The following MAP2K5 variants were observed in gnomAD, a reference collection of about 807,000 sequenced individuals.
The protein encoded by MAP2K5 is mitogen-activated protein kinase kinase 5, also known as dual specificity mitogen-activated protein kinase kinase 5.
In MAP2K5, 49 loss-of-function variants were observed where a neutral mutation model predicts 83.1. That is an observed-to-expected ratio of 0.59 (90% CI 0.47 to 0.75). The LOEUF (loss-of-function observed/expected upper bound fraction) is 0.75. MAP2K5 is among the 30% of genes least tolerant of loss of function. The pLI is 0.00. For missense variants in MAP2K5, 457 were observed against 557.5 expected (o/e 0.82, Z 1.82); for synonymous variants, 202 against 191.8 (o/e 1.05, Z -0.44).
In MAP2K5 at chr15:67,760,682, A is replaced by G. The variant is rs1596926611; in HGVS notation, c.1135-8920A>G. On this transcript the variant is annotated intron_variant, in intron 19 of 21. Transcript: ENST00000178640. The surrounding 1 kb of genome is among the most constrained non-coding windows in gnomAD (Gnocchi z 4.1). ...TTGAATTGTCCATGAAGCCTGATGT[A>G]TTATTAATGAATTAATTTCTTGGTG... Among the ~76,000 whole-genome samples, 2 of 152,322 alleles carry G rather than the reference A, an allele frequency of 1.3e-5. No individual in the cohort carries two copies. The highest frequency in any genetic ancestry group is 3.4e-3 in the Middle Eastern group (1 of 294).
rs2090304068 is a variant in MAP2K5, at chr15:67,780,074, C to G, written c.1242+7322C>G. On this transcript the variant is annotated intron_variant, in intron 21 of 21. Coordinates refer to ENST00000178640, the MANE Select transcript of MAP2K5 (RefSeq NM_145160.3). This position sits in a 1 kb window ranked among gnomAD's most constrained non-coding sequence, Gnocchi z 5.0. Reference sequence around the variant, plus strand: ...CAGTTGCTTGCTTCCTTCTCTGAAGCCCTTCAGCATGTATTGTGTCTAGGT... The same window carrying G: ...CAGTTGCTTGCTTCCTTCTCTGAAGGCCTTCAGCATGTATTGTGTCTAGGT... Among the ~76,000 whole-genome samples, 1 of 152,202 alleles carries G rather than the reference C, an allele frequency of 6.6e-6. No homozygotes were observed. The highest frequency in any genetic ancestry group is 1.5e-5 in the Non-Finnish European group (1 of 68,034).
chr15:67,589,539 G>T (rs1167374867), intron 6 of MAP2K5, among the ~76,000 whole-genome samples: 2 of 152,188 alleles, frequency 1.3e-5, no homozygotes, highest in African/African-American at 4.8e-5. Flanking sequence ...GCTGGTGTTA[G>T]AAAGATTGAT....
intron 8 of MAP2K5, among the ~76,000 whole-genome samples, chr15:67,630,445 AT>A (rs942281226): frequency 1.3e-5 from 2 of 152,260 alleles, no homozygotes; most frequent in Admixed American, 6.5e-5. Flanking sequence ...AATTAAAAAA[AT>A]AAGCAAAAAA....
intron 19 of MAP2K5, among the ~76,000 whole-genome samples, chr15:67,752,031 G>A (rs1025932563): frequency 2.6e-5 from 4 of 151,984 alleles, no homozygotes; most frequent in African/African-American, 4.8e-5. Flanking sequence ...CAACCTGACC[G>A]TCTGTCTTCG....
chr15:67,557,688 T>C (rs1047786514), intron 2 of MAP2K5, among the ~76,000 whole-genome samples: 16 of 152,180 alleles, frequency 1.1e-4, no homozygotes, highest in South Asian at 2.1e-4. Context: ...TCTCAGAGTA[T>C]AGGAAACAAC....
intron 4 of MAP2K5, among the ~76,000 whole-genome samples, chr15:67,583,957 C>T (rs1414223257): frequency 6.8e-6 from 1 of 147,422 alleles, no homozygotes; most frequent in African/African-American, 2.6e-5. Flanking sequence ...CAGTGTTGCC[C>T]AGGCTGGTGT....
At chr15:67,706,467 A>C (rs1294111657) in intron 16 of MAP2K5, among the ~76,000 whole-genome samples, 2 of 152,144 alleles carry the variant, frequency 1.3e-5, no homozygotes, top group African/African-American at 4.8e-5. Context: ...AGAGCAGATA[A>C]CCAGATGGTC....
At chr15:67,635,965 C>CT (rs922322192) in intron 9 of MAP2K5, among the ~76,000 whole-genome samples, 34 of 151,278 alleles carry the variant, frequency 2.2e-4, no homozygotes, top group East Asian at 5.8e-4. Context: ...CCTCTGCTTT[C>CT]TTTTTTTTTG....
chr15:67,604,424 A>G (rs2081175186), intron 8 of MAP2K5, among the ~76,000 whole-genome samples: 1 of 152,252 alleles, frequency 6.6e-6, no homozygotes, highest in African/African-American at 2.4e-5. Context: ...TTTCCCTCTG[A>G]GAGATTCATA....
intron 3 of MAP2K5, among the ~76,000 whole-genome samples, chr15:67,575,762 G>A (rs1336831273): frequency 1.3e-5 from 2 of 151,988 alleles, no homozygotes; most frequent in East Asian, 3.8e-4. Context: ...GAATAGGATA[G>A]GATTGTAAAA....
At chr15:67,645,213 C>T (rs899588349) in intron 9 of MAP2K5, among the ~76,000 whole-genome samples, 4 of 150,858 alleles carry the variant, frequency 2.7e-5, no homozygotes, top group African/African-American at 9.8e-5. Flanking sequence ...TGTGATGGCT[C>T]ATGCCTGTAA....
intron 21 of MAP2K5, among the ~76,000 whole-genome samples, chr15:67,798,211 T>C (rs1401242936): frequency 1.3e-5 from 2 of 152,162 alleles, no homozygotes; most frequent in East Asian, 3.8e-4. Context: ...CAGATGTCCA[T>C]TCTCCTCTGG....
chr15:67,688,453 G>A (rs749523812), intron 13 of MAP2K5, among the ~76,000 whole-genome samples: 6 of 152,176 alleles, frequency 3.9e-5, no homozygotes, highest in Non-Finnish European at 8.8e-5. Context: ...ATATAGTCTG[G>A]CAAAAATGTT....
At chr15:67,611,094 G>A (rs1241740380) in intron 8 of MAP2K5, among the ~76,000 whole-genome samples, 2 of 152,096 alleles carry the variant, frequency 1.3e-5, no homozygotes, top group African/African-American at 4.8e-5. Context: ...ATTCTATTAC[G>A]ACGGTTAACT....
In MAP2K5 at chr15:67,573,161, C is replaced by T. The variant is rs920359884; in HGVS notation, c.253-7593C>T. Among the ~76,000 whole-genome samples the T allele has an allele frequency of 1.8e-4, 28 of 152,110 alleles. No individual in the cohort carries two copies. The highest frequency in any genetic ancestry group is 2.9e-4 in the Non-Finnish European group (20 of 67,984). On this transcript the variant is annotated intron_variant, in intron 3 of 21. Coordinates refer to ENST00000178640, the MANE Select transcript of MAP2K5 (RefSeq NM_145160.3). The surrounding 1 kb of genome is among the most constrained non-coding windows in gnomAD (Gnocchi z 4.2). Reference sequence around the variant, plus strand: ...TACCTAACTTCCTGGGAATGTAGCCCGGGAAGTCCCAGCCTCATTTTTCCT... The same window carrying T: ...TACCTAACTTCCTGGGAATGTAGCCTGGGAAGTCCCAGCCTCATTTTTCCT...
chr15:67,543,316 G>A lies in MAP2K5; in HGVS notation c.-20G>A. The A allele has an allele frequency of 6.2e-7, 1 of 1,614,104 alleles. No homozygotes were observed. The highest frequency in any genetic ancestry group is 1.1e-5 in the South Asian group (1 of 91,080). On this transcript the variant is annotated 5_prime_UTR_variant, in exon 1 of 22. In the 5' UTR this introduces an upstream ATG that the reference lacks. Coordinates refer to ENST00000178640, the MANE Select transcript of MAP2K5 (RefSeq NM_145160.3). The surrounding 1 kb of genome is among the most constrained non-coding windows in gnomAD (Gnocchi z 4.3). ...CAGTGGGTTTCCCATACCCCAGGAT[G>A]TGAGCCTCTTTAACCTGTAATGCTG...
chr15:67,569,724 A>T (rs1031769484), intron 3 of MAP2K5, among the ~76,000 whole-genome samples: 3 of 152,136 alleles, frequency 2.0e-5, no homozygotes, highest in Admixed American at 6.5e-5. Flanking sequence ...GATAAGCACG[A>T]GTAGGCCTCA....
chr15:67,777,887 G>A lies in MAP2K5; in HGVS notation c.1242+5135G>A, dbSNP rs1289984459. 6.6e-6 allele frequency among the ~76,000 whole-genome samples: 1 copy of A among 152,188 alleles called. No homozygotes were observed. Among genetic ancestry groups the A allele is most frequent in the Non-Finnish European group, 1.5e-5 (1 of 68,036 alleles). ...ATTTAGGCACCTAAAAAGAAACACA[G>A]GATGCAGTTTGCAATTGAAATTTGA... is the stretch of plus-strand genomic sequence containing the variant. On this transcript the variant is annotated intron_variant, in intron 21 of 21. Transcript: ENST00000178640. This position sits in a 1 kb window ranked among gnomAD's most constrained non-coding sequence, Gnocchi z 6.0.
At chr15:67,733,786 G>GA (rs1314307659) in intron 17 of MAP2K5, among the ~76,000 whole-genome samples, 1 of 152,122 alleles carries the variant, frequency 6.6e-6, no homozygotes, top group African/African-American at 2.4e-5. Context: ...GATAATAAGT[G>GA]AAAAATATGC....
Sources: gnomAD v4.1 joint callset for allele counts (sites outside exome capture counted in the v4.1 genomes callset) on GRCh38, gnomAD v4.1.1 for gene constraint, Gnocchi (gnomAD v3.1) non-coding constraint, MANE v1.5 for transcripts, NCBI Gene and HGNC (gene_info 2026-07-23, HGNC 2026-07-21) for gene names.